The following KCNK12 variants were observed in gnomAD, a reference collection of about 807,000 sequenced individuals.
KCNK12 encodes potassium channel subfamily K member 12.
Under a neutral mutation model 25.3 loss-of-function variants are expected in KCNK12, and 6 were observed. The observed-to-expected ratio is 0.24, with a 90% CI of 0.13 to 0.47. The LOEUF (loss-of-function observed/expected upper bound fraction) is 0.47. KCNK12 is among the 20% of genes least tolerant of loss of function. The pLI is 0.99. For synonymous variants in KCNK12, 331 were observed against 311.1 expected (o/e 1.06, Z -0.67); for missense variants, 444 against 661.7 (o/e 0.67, Z 3.61).
At position 47,509,882 on chromosome 2, in the gene KCNK12, T is replaced by C. The variant is rs538182680; in HGVS notation, c.*11025A>G. ...CCTCCCTTAGATCAATGGCTGTTTC[T>C]CTGAGAATGCGGAACCGTGATTAAT... is the stretch of plus-strand genomic sequence containing the variant. On this transcript the variant is annotated 3_prime_UTR_variant, in exon 2 of 2. Transcript: ENST00000327876. 6.6e-6 allele frequency among the ~76,000 whole-genome samples: 1 copy of C among 152,210 alleles called. No individual in the cohort carries two copies. Among genetic ancestry groups the C allele is most frequent in the East Asian group, 1.9e-4 (1 of 5,186 alleles).
chr2:47,531,280 C>T (rs1668921298), intron 1 of KCNK12, among the ~76,000 whole-genome samples: 2 of 152,080 alleles, frequency 1.3e-5, no homozygotes, highest in Admixed American at 1.3e-4. Context: ...CAAGACCAGC[C>T]TGGGCAACAT....
At chr2:47,568,830 C>T (rs965144714) in intron 1 of KCNK12, among the ~76,000 whole-genome samples, 5 of 152,204 alleles carry the variant, frequency 3.3e-5, no homozygotes, top group Non-Finnish European at 7.3e-5. Context: ...TTCTTCCATC[C>T]TGGGATTCAA....
rs1308092643 is a variant in KCNK12, at chr2:47,513,610, G to C, written c.*7297C>G. 6.6e-6 allele frequency among the ~76,000 whole-genome samples: 1 copy of C among 152,132 alleles called. No homozygotes were observed. The highest frequency in any genetic ancestry group is 1.5e-5 in the Non-Finnish European group (1 of 68,022). On this transcript the variant is annotated 3_prime_UTR_variant, in exon 2 of 2. Transcript: ENST00000327876. ...ATTGTTATGAGCTCTAGACTCACAA[G>C]GCCAATTGCTTGGTGGGAACCCCTC...
In KCNK12 at chr2:47,560,339, C is replaced by G. The variant is rs1034200651; in HGVS notation, c.391+9602G>C. Among the ~76,000 whole-genome samples, 2 of 152,170 alleles carry G rather than the reference C, an allele frequency of 1.3e-5. No individual in the cohort carries two copies. Among genetic ancestry groups the G allele is most frequent in the Non-Finnish European group, 2.9e-5 (2 of 68,034 alleles). On this transcript the variant is annotated intron_variant, in intron 1 of 1. Coordinates refer to ENST00000327876, the MANE Select transcript of KCNK12 (RefSeq NM_022055.2). The surrounding 1 kb of genome is among the most constrained non-coding windows in gnomAD (Gnocchi z 4.7). ...TCCTTCACAGAGAGGTACTAGGTGG[C>G]GAAGGATGGGAAGCAGGCAGCCCTC...
chr2:47,567,805 A>T (rs1484859131), intron 1 of KCNK12, among the ~76,000 whole-genome samples: 1 of 152,222 alleles, frequency 6.6e-6, no homozygotes, highest in Non-Finnish European at 1.5e-5. Flanking sequence ...GAAAACACGA[A>T]TCAAGAAAGA....
At chr2:47,541,125 T>C (rs1054109604) in intron 1 of KCNK12, among the ~76,000 whole-genome samples, 1 of 152,214 alleles carries the variant, frequency 6.6e-6, no homozygotes, top group Non-Finnish European at 1.5e-5. Context: ...TTCATTGCTG[T>C]AGAGCTGCGC....
intron 1 of KCNK12, among the ~76,000 whole-genome samples, chr2:47,554,451 A>C (rs1669509304): frequency 6.6e-6 from 1 of 152,202 alleles, no homozygotes; most frequent in African/African-American, 2.4e-5. Flanking sequence ...GAATGTGGTT[A>C]AGAGAAGTCA....
At chr2:47,568,344 G>T (rs1323934773) in intron 1 of KCNK12, among the ~76,000 whole-genome samples, 3 of 151,268 alleles carry the variant, frequency 2.0e-5, no homozygotes, top group Non-Finnish European at 4.4e-5. Flanking sequence ...GCAACTTGAT[G>T]CAGCTCTTAA....
intron 1 of KCNK12, 116 bp from the exon 2 acceptor site, chr2:47,521,924 G>T: frequency 1.2e-6 from 1 of 816,558 alleles, no homozygotes; most frequent in African/African-American, 1.8e-5. Context: ...CCTATCTCGA[G>T]TGGCACCACT....
intron 1 of KCNK12, among the ~76,000 whole-genome samples, chr2:47,553,323 T>G (rs770259490): frequency 1.3e-5 from 2 of 152,246 alleles, no homozygotes; most frequent in Non-Finnish European, 2.9e-5. Flanking sequence ...TGGAATCATA[T>G]AGCAGTTCAG....
rs1668599949 is a variant in KCNK12, at chr2:47,519,469, T to C, written c.*1438A>G. 1 of 152,192 alleles carries C rather than the reference T, an allele frequency of 6.6e-6. No individual in the cohort carries two copies. Among genetic ancestry groups the C allele is most frequent in the African/African-American group, 2.4e-5 (1 of 41,434 alleles). The allele number at this position is 152,192 out of a possible 1,614,324, so 9.4% of individuals were successfully genotyped here. On this transcript the variant is annotated 3_prime_UTR_variant, in exon 2 of 2. Coordinates refer to ENST00000327876, the MANE Select transcript of KCNK12 (RefSeq NM_022055.2). The stretch of plus-strand genomic sequence containing the variant: ...CTGTATAAACTCTGGCACCTGTCCT[T>C]GCCCTCATCATATATGAGAAAAATG...
chr2:47,529,497 T>C lies in KCNK12; in HGVS notation c.392-7689A>G, dbSNP rs935929416. Among the ~76,000 whole-genome samples the C allele has an allele frequency of 9.2e-5, 14 of 152,180 alleles. No individual in the cohort carries two copies. The highest frequency in any genetic ancestry group is 3.4e-4 in the African/African-American group (14 of 41,446). On this transcript the variant is annotated intron_variant, in intron 1 of 1. Coordinates refer to ENST00000327876, the MANE Select transcript of KCNK12 (RefSeq NM_022055.2). This position sits in a 1 kb window ranked among gnomAD's most constrained non-coding sequence, Gnocchi z 4.3. ...ATTTAAATTTCCATTGACCTAAAAT[T>C]TTTGTGGTGGGCACTGCAGCTCTCT... is the stretch of plus-strand genomic sequence containing the variant.
chr2:47,561,203 C>T (rs74373944), intron 1 of KCNK12, among the ~76,000 whole-genome samples: 5 of 152,278 alleles, frequency 3.3e-5, no homozygotes, highest in Non-Finnish European at 7.4e-5. Flanking sequence ...AGGAGGGTGG[C>T]CAGGATTGTG....
At position 47,517,960 on chromosome 2, in the gene KCNK12, G is replaced by A. The variant is rs1668563546; in HGVS notation, c.*2947C>T. Reference sequence around the variant, plus strand: ...GCAAATCCTGGAGCATGAGGAAATTGTAGGCTACAGTGAGCTACCAGTGGT... The same window carrying A: ...GCAAATCCTGGAGCATGAGGAAATTATAGGCTACAGTGAGCTACCAGTGGT... On this transcript the variant is annotated 3_prime_UTR_variant, in exon 2 of 2. Coordinates refer to ENST00000327876, the MANE Select transcript of KCNK12 (RefSeq NM_022055.2). The surrounding 1 kb of genome is among the most constrained non-coding windows in gnomAD (Gnocchi z 4.1). 1 of 152,254 alleles carries A rather than the reference G, an allele frequency of 6.6e-6. No homozygotes were observed. Among genetic ancestry groups the A allele is most frequent in the South Asian group, 2.1e-4 (1 of 4,830 alleles). 9.4% of individuals were successfully genotyped at this position (152,254 alleles called of 1,614,324 possible). A position where few individuals can be genotyped will look rare whatever the true frequency, so the allele number is the denominator to read the frequency against.
rs369656377 is a variant in KCNK12, at chr2:47,569,903, C to T, written c.391+38G>A. On this transcript the variant is annotated intron_variant, in intron 1 of 1. Coordinates refer to ENST00000327876, the MANE Select transcript of KCNK12 (RefSeq NM_022055.2). The surrounding 1 kb of genome is among the most constrained non-coding windows in gnomAD (Gnocchi z 4.1). The stretch of plus-strand genomic sequence containing the variant: ...AGTGGAAAGGGCGGCAGGTGAAAGG[C>T]ACAGAGAGGAAAGATGCGCGGGGGA... The T allele has an allele frequency of 7.0e-5, 92 of 1,321,990 alleles. No homozygotes were observed. The highest frequency in any genetic ancestry group is 8.7e-5 in the Non-Finnish European group (90 of 1,028,998). 81.9% of individuals were successfully genotyped at this position (1,321,990 alleles called of 1,614,324 possible). A position where few individuals can be genotyped will look rare whatever the true frequency, so the allele number is the denominator to read the frequency against.
At chr2:47,567,763 G>A (rs539016719) in intron 1 of KCNK12, among the ~76,000 whole-genome samples, 1 of 152,198 alleles carries the variant, frequency 6.6e-6, no homozygotes, top group Non-Finnish European at 1.5e-5. Context: ...ACATGCTTCA[G>A]TGTAGCCCTC....
rs2104696881 is a variant in KCNK12 at position 47,517,170 on chromosome 2, A to C, written c.*3737T>G. 6.6e-6 allele frequency: 1 copy of C among 152,254 alleles called. No homozygotes were observed. Among genetic ancestry groups the C allele is most frequent in the Admixed American group, 6.5e-5 (1 of 15,298 alleles). The allele number at this position is 152,254 out of a possible 1,614,324, so 9.4% of individuals were successfully genotyped here. On this transcript the variant is annotated 3_prime_UTR_variant, in exon 2 of 2. Transcript: ENST00000327876. The surrounding 1 kb of genome is among the most constrained non-coding windows in gnomAD (Gnocchi z 4.1). The stretch of plus-strand genomic sequence containing the variant: ...TTTTAAGAATGTAAAAAGTTACAGT[A>C]AGATCGAACCACAGGGCCCGTCGCT...
rs1247905751 is a variant in KCNK12 at position 47,551,580 on chromosome 2, G to A, written c.391+18361C>T. ...ATATTTGTTGAATAAATGGATCAAT[G>A]GGAATCATGTTTTCTGGATGCCAAA... On this transcript the variant is annotated intron_variant, in intron 1 of 1. Transcript: ENST00000327876. This position sits in a 1 kb window ranked among gnomAD's most constrained non-coding sequence, Gnocchi z 5.3. Among the ~76,000 whole-genome samples, 3 of 152,154 alleles carry A rather than the reference G, an allele frequency of 2.0e-5. No homozygotes were observed. The highest frequency in any genetic ancestry group is 2.0e-4 in the Admixed American group (3 of 15,274).
intron 1 of KCNK12, among the ~76,000 whole-genome samples, chr2:47,539,025 T>A (rs1407506791): frequency 6.6e-6 from 1 of 152,214 alleles, no homozygotes; most frequent in Admixed American, 6.5e-5. Context: ...TAAAAGGAAA[T>A]TCGATGAAAC....
Sources: gnomAD v4.1 joint callset for allele counts (sites outside exome capture counted in the v4.1 genomes callset) on GRCh38, gnomAD v4.1.1 for gene constraint, Gnocchi (gnomAD v3.1) non-coding constraint, MANE v1.5 for transcripts, NCBI Gene and HGNC (gene_info 2026-07-23, HGNC 2026-07-21) for gene names.